The following CCDC88A variants were observed in gnomAD, a reference collection of about 807,000 sequenced individuals.
CCDC88A encodes the protein girdin.
CCDC88A carries 54 observed loss-of-function variants against 234.3 expected under a neutral mutation model. The ratio of observed to expected loss-of-function variants is 0.23; its 90% CI spans 0.19 to 0.29. The LOEUF is 0.29. CCDC88A is among the 10% of genes least tolerant of loss of function. The pLI is 1.00. For missense variants in CCDC88A, 1,832 were observed against 2,123.4 expected, an observed-to-expected ratio of 0.86 and a Z score of 2.70; for synonymous variants, 753 against 737.8, an observed-to-expected ratio of 1.02 and a Z score of -0.33.
In CCDC88A at chr2:55,419,253, C is replaced by T; in HGVS notation, c.-174G>A. ...CCTCAAAAAACACCCCAGAGTGAAA[C>T]GAGCCGAAATCCCAAGAAGTGGCTT... On this transcript the variant is annotated 5_prime_UTR_variant, in exon 1 of 33. Transcript: ENST00000436346. The T allele has an allele frequency of 1.7e-6, 1 of 578,894 alleles. No homozygotes were observed. The highest frequency in any genetic ancestry group is 3.1e-6 in the Non-Finnish European group (1 of 325,474). The allele number at this position is 578,894 out of a possible 1,614,324, so 35.9% of individuals were successfully genotyped here. A position where few individuals can be genotyped will look rare whatever the true frequency, so the allele number is the denominator to read the frequency against.
At chr2:55,311,315 T>C (rs1682324597) in intron 23 of CCDC88A, among the ~76,000 whole-genome samples, 1 of 152,220 alleles carries the variant, frequency 6.6e-6, no homozygotes, top group Non-Finnish European at 1.5e-5. Flanking sequence ...ACTTTGAAAG[T>C]TTACACAAAT....
At chr2:55,380,917 A>G (rs933941678) in intron 3 of CCDC88A, among the ~76,000 whole-genome samples, 2 of 152,210 alleles carry the variant, frequency 1.3e-5, no homozygotes, top group African/African-American at 2.4e-5. Flanking sequence ...GGCCCAGCCA[A>G]CCACAGTTTT....
intron 17 of CCDC88A, chr2:55,323,416 CAATT>C (rs1683875268): frequency 6.6e-6 from 1 of 152,126 alleles, no homozygotes; most frequent in African/African-American, 2.4e-5. Context: ...TATGACTCAA[CAATT>C]AATATTGCTA....
intron 25 of CCDC88A, among the ~76,000 whole-genome samples, chr2:55,307,513 G>A (rs530875754): frequency 3.3e-5 from 5 of 151,052 alleles, no homozygotes; most frequent in South Asian, 2.1e-4. Flanking sequence ...GCACCACAAC[G>A]CCCGGCTAAT....
At position 55,317,336 on chromosome 2, in the gene CCDC88A, A is replaced by G; in HGVS notation, c.3616T>C (p.Leu1206=). ...TCTTCCAACTGTCCTTTCTGTTTTA[A>G]TAACTGATTGTAACTGGGGGGAAAA... is the stretch of plus-strand genomic sequence containing the variant. The part of the protein sequence containing the change: ...RDLEDRYNQL[L]KQKGQLEDLE... Residue 1206 remains leucine, a synonymous_variant, in exon 21 of 33, where the codon TTA becomes CTA. Transcript: ENST00000436346. The surrounding 1 kb of genome is among the most constrained non-coding windows in gnomAD (Gnocchi z 4.2). The G allele has an allele frequency of 6.7e-7, 1 of 1,503,654 alleles. No individual in the cohort carries two copies. The highest frequency in any genetic ancestry group is 8.9e-7 in the Non-Finnish European group (1 of 1,122,890). 93.1% of individuals were successfully genotyped at this position (1,503,654 alleles called of 1,614,324 possible). A position where few individuals can be genotyped will look rare whatever the true frequency, so the allele number is the denominator to read the frequency against.
In CCDC88A at chr2:55,317,873, G is replaced by C. The variant is rs761252119; in HGVS notation, c.3325-32C>G. ...GAATATATATTGTTATCAGACATAA[G>C]AAAAACAGTTCATGTTCTTTTTCAA... On this transcript the variant is annotated intron_variant, in intron 19 of 32. Transcript: ENST00000436346. The surrounding 1 kb of genome is among the most constrained non-coding windows in gnomAD (Gnocchi z 4.2). The C allele has an allele frequency of 7.1e-7, 1 of 1,406,764 alleles. No homozygotes were observed. Among genetic ancestry groups the C allele is most frequent in the Non-Finnish European group, 9.7e-7 (1 of 1,033,512 alleles). The allele number at this position is 1,406,764 out of a possible 1,614,324, so 87.1% of individuals were successfully genotyped here.
intron 12 of CCDC88A, among the ~76,000 whole-genome samples, chr2:55,341,537 C>T (rs889442041): frequency 3.3e-5 from 5 of 151,414 alleles, no homozygotes; most frequent in Non-Finnish European, 7.4e-5. Flanking sequence ...TTCTGCCTCA[C>T]GGGTTCAAGA....
At chr2:55,360,467 G>C (rs1048949129) in intron 7 of CCDC88A, among the ~76,000 whole-genome samples, 34 of 152,224 alleles carry the variant, frequency 2.2e-4, no homozygotes, top group African/African-American at 8.2e-4. Context: ...AAATTTCCCG[G>C]ATAACTGGAT....
At chr2:55,365,885 A>G (rs1367577424) in intron 5 of CCDC88A, among the ~76,000 whole-genome samples, 1 of 152,208 alleles carries the variant, frequency 6.6e-6, no homozygotes, top group African/African-American at 2.4e-5. Context: ...CATTAGCTAT[A>G]TGCAGCTACT....
At chr2:55,377,725 T>G (rs2104841880) in intron 3 of CCDC88A, among the ~76,000 whole-genome samples, 1 of 152,278 alleles carries the variant, frequency 6.6e-6, no homozygotes, top group Non-Finnish European at 1.5e-5. Context: ...TTCTCCTGTT[T>G]AGGCCTCCTG....
At chr2:55,363,446 TAATTTC>T (rs1056341319) in intron 6 of CCDC88A, among the ~76,000 whole-genome samples, 1 of 152,014 alleles carries the variant, frequency 6.6e-6, no homozygotes, top group African/African-American at 2.4e-5. Flanking sequence ...TAACAAATTT[TAATTTC>T]AATTATTTGA....
At chr2:55,396,789 G>A (rs1209835922) in intron 2 of CCDC88A, among the ~76,000 whole-genome samples, 2 of 142,810 alleles carry the variant, frequency 1.4e-5, no homozygotes, top group Non-Finnish European at 3.0e-5. Context: ...AGAATGGCAT[G>A]AACCCGGGAG....
intron 13 of CCDC88A, 62 bp downstream of exon 13, chr2:55,339,402 C>A: frequency 7.9e-7 from 1 of 1,258,868 alleles, no homozygotes; most frequent in South Asian, 1.5e-5. Context: ...AATAAATGGG[C>A]TATTTATTTA....
At chr2:55,351,988 G>T (rs1239041300) in intron 8 of CCDC88A, among the ~76,000 whole-genome samples, 1 of 152,174 alleles carries the variant, frequency 6.6e-6, no homozygotes, top group Non-Finnish European at 1.5e-5. Context: ...CGTATTGTAT[G>T]ATTCCATTTA....
intron 25 of CCDC88A, among the ~76,000 whole-genome samples, chr2:55,304,530 T>C (rs10496041): frequency 0.089 from 13,502 of 152,114 alleles, 1,426 homozygotes; most frequent in African/African-American, 0.25. Context: ...AAAGAGTATT[T>C]TGATAGTAGT....
chr2:55,336,706 G>A lies in CCDC88A; in HGVS notation c.1631C>T (p.Thr544Ile). Residue 544 changes from threonine to isoleucine, a missense_variant, in exon 14 of 33, where the codon ACA (threonine) becomes ATA (isoleucine). Thr to Ile is a moderately conservative substitution (Grantham distance 89). Transcript: ENST00000436346. The part of the protein sequence containing the change: ...EKAQLEKTIE[T>I]LRENSERQIK... ...CTGTCTCTCTGAATTTTCTCTCAGT[G>A]TTTCTATTGTTTTTTCAAGCTGAGC... 1 of 1,581,728 alleles carries A rather than the reference G, an allele frequency of 6.3e-7. No homozygotes were observed. Among genetic ancestry groups the A allele is most frequent in the Non-Finnish European group, 8.6e-7 (1 of 1,163,758 alleles).
chr2:55,373,385 AAT>A (rs1673119803), intron 4 of CCDC88A, among the ~76,000 whole-genome samples: 1 of 152,094 alleles, frequency 6.6e-6, no homozygotes, highest in African/African-American at 2.4e-5. Flanking sequence ...ACTACTTGCT[AAT>A]CACAATCCTA....
intron 7 of CCDC88A, among the ~76,000 whole-genome samples, chr2:55,361,480 T>C (rs1161659916): frequency 2.0e-5 from 3 of 152,218 alleles, no homozygotes; most frequent in Non-Finnish European, 2.9e-5. Flanking sequence ...ACATCAGAAC[T>C]GACTAACCCC....
intron 2 of CCDC88A, among the ~76,000 whole-genome samples, chr2:55,407,249 C>T (rs1679741045): frequency 6.6e-6 from 1 of 151,616 alleles, no homozygotes; most frequent in Non-Finnish European, 1.5e-5. Flanking sequence ...TAAAAATTTT[C>T]CATGAAGGAC....
Sources: allele counts gnomAD v4.1 joint callset (sites outside exome capture counted in the v4.1 genomes callset), GRCh38; gene constraint gnomAD v4.1.1; non-coding constraint Gnocchi (gnomAD v3.1); transcripts MANE v1.5; gene names NCBI Gene and HGNC (gene_info 2026-07-23, HGNC 2026-07-21).